TUSC3: variants seen among roughly 807,000 people sequenced by gnomAD.
TUSC3 encodes the protein dolichyl-diphosphooligosaccharide--protein glycosyltransferase subunit TUSC3.
Under a neutral mutation model 44.8 loss-of-function variants are expected in TUSC3, and 45 were observed. The ratio of observed to expected loss-of-function variants is 1.00; its 90% CI spans 0.79 to 1.29. TUSC3 has a LOEUF of 1.29. TUSC3 is among the 50% of genes most tolerant of loss of function. The pLI, the probability that TUSC3 is intolerant of heterozygous loss-of-function variation, is 0.00. For missense variants in TUSC3, 519 were observed against 437.9 expected (o/e 1.19, Z -1.65); for synonymous variants, 212 against 152.9 (o/e 1.39, Z -2.85).
the TUSC3 span, among the ~76,000 whole-genome samples, chr8:15,816,286 T>A: frequency 6.6e-6 from 1 of 152,092 alleles, no homozygotes; most frequent in Non-Finnish European, 1.5e-5. Flanking sequence ...AAAGGCTCAT[T>A]CTTTGAGTTG....
intron 1 of TUSC3, among the ~76,000 whole-genome samples, chr8:15,417,564 G>T (rs1048371001): frequency 6.6e-6 from 1 of 152,154 alleles, no homozygotes; most frequent in Non-Finnish European, 1.5e-5. Context: ...GTCACTGAAG[G>T]CTTTCAATTT....
At chr8:15,431,312 A>C (rs1156886041) in intron 1 of TUSC3, among the ~76,000 whole-genome samples, 1 of 150,460 alleles carries the variant, frequency 6.6e-6, no homozygotes, top group Non-Finnish European at 1.5e-5. Flanking sequence ...ATATTCTTCC[A>C]ATCCATGAAC....
chr8:15,596,046 G>C (rs1804052071), intron 1 of TUSC3, among the ~76,000 whole-genome samples: 1 of 152,150 alleles, frequency 6.6e-6, no homozygotes, highest in Non-Finnish European at 1.5e-5. Flanking sequence ...CTTACATGTA[G>C]TTTGAAAGTT....
At chr8:15,525,153 TC>T (rs1801356583) in intron 2 of TUSC3, among the ~76,000 whole-genome samples, 1 of 152,234 alleles carries the variant, frequency 6.6e-6, no homozygotes, top group Non-Finnish European at 1.5e-5. Context: ...TTTCCTATAC[TC>T]CCTGCTGGTG....
At chr8:15,434,384 G>T (rs7813606) in intron 1 of TUSC3, among the ~76,000 whole-genome samples, 1 of 151,886 alleles carries the variant, frequency 6.6e-6, no homozygotes, top group African/African-American at 2.4e-5. Flanking sequence ...TTCTTGCAAC[G>T]CAAATTGTAC....
intron 1 of TUSC3, among the ~76,000 whole-genome samples, chr8:15,427,695 C>A (rs1799821470): frequency 6.6e-6 from 1 of 151,730 alleles, no homozygotes; most frequent in Middle Eastern, 3.4e-3. Flanking sequence ...CAGTCAAATT[C>A]TTTGTTCTGA....
At chr8:15,557,985 A>G (rs562425071) in intron 1 of TUSC3, among the ~76,000 whole-genome samples, 1 of 68,670 alleles carries the variant, frequency 1.5e-5, no homozygotes, top group African/African-American at 5.1e-5. Context: ...TCCTAATTGA[A>G]TACCCTTTGT....
intron 10 of TUSC3, among the ~76,000 whole-genome samples, chr8:15,759,571 G>T (rs1041591809): frequency 1.3e-5 from 2 of 152,020 alleles, no homozygotes; most frequent in East Asian, 3.9e-4. Context: ...ACAAGCTTTT[G>T]ATATACCCTC....
Position 15,637,058 on chromosome 8 carries a change from G to A in TUSC3, c.309-13639G>A, listed in dbSNP as rs1806111212. On this transcript the variant is annotated intron_variant, in intron 2 of 10. Transcript: ENST00000503731. ...TATGTCTTACAGTTGACTATTCTAGGTTGCCTTTTTCAGGCACACAAAGAA... is the reference window on the plus strand; with the variant it reads ...TATGTCTTACAGTTGACTATTCTAGATTGCCTTTTTCAGGCACACAAAGAA... Among the ~76,000 whole-genome samples, 3 of 152,024 alleles carry A rather than the reference G, an allele frequency of 2.0e-5. No individual in the cohort carries two copies. The South Asian group carries it at 6.2e-4, about 32-fold the overall frequency.
chr8:15,594,958 C>G (rs1403519475), intron 1 of TUSC3, among the ~76,000 whole-genome samples: 1 of 152,050 alleles, frequency 6.6e-6, no homozygotes, highest in Admixed American at 6.6e-5. Flanking sequence ...TTGAGGGACC[C>G]TGGAAAGTTG....
chr8:15,616,687 G>A (rs1002895700), intron 1 of TUSC3, among the ~76,000 whole-genome samples: 4 of 152,210 alleles, frequency 2.6e-5, no homozygotes, highest in Non-Finnish European at 5.9e-5. Context: ...GTGGGTGGCA[G>A]GAAGGAGAGA....
the TUSC3 span, among the ~76,000 whole-genome samples, chr8:15,772,019 G>A: frequency 6.6e-6 from 1 of 152,094 alleles, no homozygotes; most frequent in East Asian, 1.9e-4. Context: ...AACCCAGGAG[G>A]CGGAGCTTGC....
At chr8:15,430,662 T>G (rs187145053) in intron 1 of TUSC3, among the ~76,000 whole-genome samples, 1 of 151,600 alleles carries the variant, frequency 6.6e-6, no homozygotes, top group East Asian at 1.9e-4. Flanking sequence ...TAAAGGGCAT[T>G]CAATTAGGAA....
At chr8:15,695,052 A>C (rs1378224778) in intron 6 of TUSC3, among the ~76,000 whole-genome samples, 1 of 152,120 alleles carries the variant, frequency 6.6e-6, no homozygotes, top group Non-Finnish European at 1.5e-5. Context: ...CCCTCCATTC[A>C]CACTGACAGC....
chr8:15,631,783 A>G (rs1264398756), intron 2 of TUSC3, among the ~76,000 whole-genome samples: 1 of 151,434 alleles, frequency 6.6e-6, no homozygotes, highest in East Asian at 2.0e-4. Context: ...ATGGCTCACT[A>G]CAACCTCTGC....
Position 15,757,849 on chromosome 8 carries a change from AC to A in TUSC3, c.*42del. The A allele has an allele frequency of 7.3e-7, 1 of 1,373,810 alleles. No homozygotes were observed. The highest frequency in any genetic ancestry group is 1.0e-6 in the Non-Finnish European group (1 of 961,142). The allele number at this position is 1,373,810 out of a possible 1,614,324, so 85.1% of individuals were successfully genotyped here. ...GACCATGGCACTTAAAAACTCTATA[AC>A]CTCAGGCAAGTCTTTTAATCTTCTC... On this transcript the variant is annotated 3_prime_UTR_variant, in exon 10 of 11. Coordinates refer to ENST00000503731, the MANE Select transcript of TUSC3 (RefSeq NM_006765.4).
At chr8:15,783,387 T>C in the TUSC3 span, among the ~76,000 whole-genome samples, 1 of 152,108 alleles carries the variant, frequency 6.6e-6, no homozygotes, top group Non-Finnish European at 1.5e-5. Context: ...AAAATGTATA[T>C]GGAAGCACAG....
chr8:15,804,430 T>C, the TUSC3 span, among the ~76,000 whole-genome samples: 1 of 152,210 alleles, frequency 6.6e-6, no homozygotes, highest in Non-Finnish European at 1.5e-5. Context: ...TGGTGTTTTT[T>C]AGGTTTTCTT....
chr8:15,492,253 C>T (rs994040259), intron 2 of TUSC3, among the ~76,000 whole-genome samples: 10 of 152,068 alleles, frequency 6.6e-5, no homozygotes, highest in African/African-American at 1.2e-4. Context: ...GGAGTTAGCA[C>T]GAACTCAAGA....
Sources: allele counts gnomAD v4.1 joint callset (sites outside exome capture counted in the v4.1 genomes callset), GRCh38; gene constraint gnomAD v4.1.1; transcripts MANE v1.5; gene names NCBI Gene and HGNC (gene_info 2026-07-23, HGNC 2026-07-21).